The following THUMPD2 variants were observed in gnomAD, a reference collection of about 807,000 sequenced individuals.
The protein encoded by THUMPD2 is THUMP domain 2 tRNA and snRNA guanosine methyltransferase, also known as U6 snRNA (guanine-N(2))-methyltransferase THUMPD2.
Under a neutral mutation model 49.4 loss-of-function variants are expected in THUMPD2, and 56 were observed. The ratio of observed to expected loss-of-function variants is 1.13; its 90% CI spans 0.91 to 1.41. The LOEUF (loss-of-function observed/expected upper bound fraction) is 1.41. THUMPD2 is among the 40% of genes most tolerant of loss of function. THUMPD2 has a pLI of 0.00. For missense variants in THUMPD2, 709 were observed against 594.5 expected (o/e 1.19, Z -2.00); for synonymous variants, 237 against 205.2 (o/e 1.15, Z -1.32).
intron 1 of THUMPD2, among the ~76,000 whole-genome samples, chr2:39,778,001 T>C (rs568688448): frequency 2.6e-5 from 4 of 152,192 alleles, no homozygotes; most frequent in Non-Finnish European, 4.4e-5. Context: ...GGTTTGAACA[T>C]GATTATATAC....
intron 8 of THUMPD2, among the ~76,000 whole-genome samples, chr2:39,751,560 A>G (rs1675402289): frequency 6.6e-6 from 1 of 152,238 alleles, no homozygotes; most frequent in South Asian, 2.1e-4. Context: ...GCAGATTTAA[A>G]AAAGCCTAAC....
intron 1 of THUMPD2, 148 bp downstream of exon 1, chr2:39,778,966 C>T (rs972558133): frequency 1.9e-6 from 2 of 1,049,678 alleles, no homozygotes; most frequent in African/African-American, 1.7e-5. Flanking sequence ...GGAGCGGAAG[C>T]GCCTGCCAGT....
intron 9 of THUMPD2, among the ~76,000 whole-genome samples, chr2:39,738,974 G>A (rs1673534299): frequency 6.6e-6 from 1 of 152,122 alleles, no homozygotes. Flanking sequence ...AGAAGCTTAG[G>A]TAGCTTTCCC....
chr2:39,747,503 T>C (rs997450898), intron 8 of THUMPD2, among the ~76,000 whole-genome samples: 1 of 152,214 alleles, frequency 6.6e-6, no homozygotes, highest in Admixed American at 6.5e-5. Context: ...AATGAACATT[T>C]CTGAGAAGAG....
intron 6 of THUMPD2, 30 bp downstream of exon 6, chr2:39,761,301 T>C (rs761504490): frequency 2.5e-6 from 4 of 1,589,568 alleles, no homozygotes; most frequent in Non-Finnish European, 3.5e-6. Context: ...AGAACCTTGC[T>C]ATTAACAGGA....
intron 3 of THUMPD2, chr2:39,768,768 A>T: frequency 2.7e-6 from 2 of 751,314 alleles, no homozygotes; most frequent in Non-Finnish European, 4.0e-6. Context: ...GGTATATGAA[A>T]TAACTAGATT....
intron 6 of THUMPD2, among the ~76,000 whole-genome samples, chr2:39,758,494 G>T (rs1436009022): frequency 6.6e-6 from 1 of 152,160 alleles, no homozygotes; most frequent in Non-Finnish European, 1.5e-5. Context: ...GGGTTGGGTA[G>T]TGATTAGAGA....
At chr2:39,747,426 C>T (rs1409419479) in intron 8 of THUMPD2, among the ~76,000 whole-genome samples, 2 of 152,130 alleles carry the variant, frequency 1.3e-5, no homozygotes, top group East Asian at 1.9e-4. Flanking sequence ...AGTCCATAAA[C>T]ATTAGTCTTA....
Position 39,771,966 on chromosome 2 carries a change from A to G in THUMPD2, c.127-326T>C, listed in dbSNP as rs539542162. Among the ~76,000 whole-genome samples, 3 of 152,354 alleles carry G rather than the reference A, an allele frequency of 2.0e-5. No individual in the cohort carries two copies. The East Asian group carries it at 5.8e-4, about 29-fold the overall frequency. On this transcript the variant is annotated intron_variant, in intron 1 of 9. Coordinates refer to ENST00000505747, the MANE Select transcript of THUMPD2 (RefSeq NM_025264.5). Reference sequence around the variant, plus strand: ...AAGCATAAAACATATATCCTGAATAATAACAGACACACACTGACATACACA... The same window carrying G: ...AAGCATAAAACATATATCCTGAATAGTAACAGACACACACTGACATACACA...
At chr2:39,765,951 G>C in intron 5 of THUMPD2, 106 bp downstream of exon 5, 1 of 879,808 alleles carries the variant, frequency 1.1e-6, no homozygotes, top group Non-Finnish European at 1.8e-6. Context: ...TTTGCCTTTA[G>C]CCTTCTCTGT....
intron 1 of THUMPD2, among the ~76,000 whole-genome samples, chr2:39,778,668 C>A (rs1243741389): frequency 6.6e-6 from 1 of 152,212 alleles, no homozygotes; most frequent in Non-Finnish European, 1.5e-5. Context: ...GTGTACTTTG[C>A]ATACGCTATA....
chr2:39,767,191 C>A (rs975727833), intron 4 of THUMPD2, among the ~76,000 whole-genome samples: 4 of 151,998 alleles, frequency 2.6e-5, no homozygotes, highest in African/African-American at 9.7e-5. Flanking sequence ...CATTAAATGG[C>A]TGATAGGAAT....
At chr2:39,760,993 A>C (rs1461478142) in intron 6 of THUMPD2, among the ~76,000 whole-genome samples, 1 of 152,210 alleles carries the variant, frequency 6.6e-6, no homozygotes, top group East Asian at 1.9e-4. Context: ...TAGAACATTT[A>C]CAAAAATTGA....
intron 8 of THUMPD2, among the ~76,000 whole-genome samples, chr2:39,754,439 T>C (rs1007691742): frequency 6.6e-6 from 1 of 152,202 alleles, no homozygotes; most frequent in African/African-American, 2.4e-5. Flanking sequence ...CTGTTGATAC[T>C]CATCTTTACT....
chr2:39,765,410 G>T (rs373365788), intron 5 of THUMPD2, among the ~76,000 whole-genome samples: 3 of 151,760 alleles, frequency 2.0e-5, no homozygotes, highest in South Asian at 2.1e-4. Context: ...TGCCTGCCTC[G>T]GCGTCCCAAA....
Position 39,769,961 on chromosome 2 carries a change from C to T in THUMPD2, c.421G>A (p.Glu141Lys), listed in dbSNP as rs200223511. The T allele has an allele frequency of 6.3e-7, 1 of 1,579,416 alleles. No homozygotes were observed. The highest frequency in any genetic ancestry group is 8.5e-7 in the Non-Finnish European group (1 of 1,170,480). The change falls in exon 3 of 10, where the codon GAA becomes AAA. Residue 141 changes from glutamate (E) to lysine (K), a missense_variant. Transcript: ENST00000505747. The stretch of plus-strand genomic sequence containing the variant: ...ATTTTTAATTTCTTTGCAATGATTT[C>T]ATTTTCTCCCACTTTTCTTTTTAGT... ...NQLKRKVGEN[E>K]IIAKKLKIEQ...
chr2:39,757,461 G>C, intron 6 of THUMPD2: 1 of 1,256,400 alleles, frequency 8.0e-7, no homozygotes, highest in Middle Eastern at 2.2e-4. Flanking sequence ...CCCCATGAAG[G>C]GGCAGTAAGG....
In THUMPD2 at chr2:39,747,404, T is replaced by C. The variant is rs183787811; in HGVS notation, c.1079-2926A>G. Reference sequence around the variant, plus strand: ...CTTTCAATGAAATTTTGATCTGTCATCTTAATCAAGAAGTCCATAAACATT... The same window carrying C: ...CTTTCAATGAAATTTTGATCTGTCACCTTAATCAAGAAGTCCATAAACATT... On this transcript the variant is annotated intron_variant, in intron 8 of 9. Transcript: ENST00000505747. Among the ~76,000 whole-genome samples, 266 of 152,310 alleles carry C rather than the reference T, an allele frequency of 1.7e-3. 2 individuals are homozygous for C. The highest frequency in any genetic ancestry group is 5.7e-3 in the African/African-American group (236 of 41,578).
chr2:39,738,638 AATAC>A (rs1172472968), intron 9 of THUMPD2, among the ~76,000 whole-genome samples: 1 of 81,430 alleles, frequency 1.2e-5, no homozygotes, highest in Non-Finnish European at 2.1e-5. Context: ...TTTACATATA[AATAC>A]ATAATTTATA....
Sources: gnomAD v4.1 joint callset for allele counts (sites outside exome capture counted in the v4.1 genomes callset) on GRCh38, gnomAD v4.1.1 for gene constraint, MANE v1.5 for transcripts, NCBI Gene and HGNC (gene_info 2026-07-23, HGNC 2026-07-21) for gene names.